Variants in FAM204A observed in about 807,000 individuals in gnomAD.
The protein encoded by FAM204A is protein FAM204A.
Under a neutral mutation model 35.4 loss-of-function variants are expected in FAM204A, and 16 were observed. The observed-to-expected ratio is 0.45, with a 90% CI of 0.31 to 0.69. The LOEUF (loss-of-function observed/expected upper bound fraction) is 0.69, where lower values mean the gene tolerates loss of function less well. FAM204A is among the 30% of genes least tolerant of loss of function. The pLI is 0.07. For synonymous variants in FAM204A, 76 were observed against 86.9 expected, an observed-to-expected ratio of 0.88 and a Z score of 0.70; for missense variants, 240 against 265.7, an observed-to-expected ratio of 0.90 and a Z score of 0.67.
intron 2 of FAM204A, among the ~76,000 whole-genome samples, chr10:118,339,144 T>C (rs1273849610): frequency 1.3e-5 from 2 of 152,212 alleles, no homozygotes; most frequent in African/African-American, 4.8e-5. Context: ...GCCATTTTCC[T>C]GTGACTCTCA....
chr10:118,307,668 G>C lies in FAM204A; in HGVS notation c.*3189C>G, dbSNP rs1845885462. 6.6e-6 allele frequency: 1 copy of C among 151,976 alleles called. No individual in the cohort carries two copies. The highest frequency in any genetic ancestry group is 2.4e-5 in the African/African-American group (1 of 41,390). The allele number at this position is 151,976 out of a possible 1,614,324, so 9.4% of individuals were successfully genotyped here. On this transcript the variant is annotated 3_prime_UTR_variant, in exon 9 of 9. Transcript: ENST00000369183. ...AAAAGTAATGTCTTAACAAAAATTT[G>C]GACATTTTATAAATTATATCTTCAT...
At position 118,307,907 on chromosome 10, in the gene FAM204A, G is replaced by C. The variant is rs1321633836; in HGVS notation, c.*2950C>G. On this transcript the variant is annotated 3_prime_UTR_variant, in exon 9 of 9. Transcript: ENST00000369183. ...TAAGTGTTTAAAATATGCAGTTTGAGATTTATGATCAGTTGCAGAAACCTG... is the reference window on the plus strand; with the variant it reads ...TAAGTGTTTAAAATATGCAGTTTGACATTTATGATCAGTTGCAGAAACCTG... The C allele has an allele frequency of 6.6e-6, 1 of 152,204 alleles. No homozygotes were observed. Among genetic ancestry groups the C allele is most frequent in the Non-Finnish European group, 1.5e-5 (1 of 68,026 alleles). 9.4% of individuals were successfully genotyped at this position (152,204 alleles called of 1,614,324 possible).
chr10:118,335,854 A>T (rs1422645879), intron 3 of FAM204A, among the ~76,000 whole-genome samples: 1 of 152,200 alleles, frequency 6.6e-6, no homozygotes, highest in Admixed American at 6.5e-5. Context: ...TGATAATTTG[A>T]GAGTGAAGCT....
chr10:118,329,823 T>C (rs1589727417), intron 6 of FAM204A, among the ~76,000 whole-genome samples: 1 of 152,194 alleles, frequency 6.6e-6, no homozygotes, highest in South Asian at 2.1e-4. Flanking sequence ...TCATCCATGT[T>C]TGCATTCATA....
chr10:118,335,014 C>G, intron 6 of FAM204A, 100 bp downstream of exon 6: 1 of 835,876 alleles, frequency 1.2e-6, no homozygotes, highest in Non-Finnish European at 1.9e-6. Context: ...CAGTAGGCAT[C>G]TTTTTAACTG....
rs1172890986 is a variant in FAM204A at position 118,300,736 on chromosome 10, G to GT, written c.*10120dup. The GT allele has an allele frequency of 6.6e-6, 1 of 152,220 alleles. No individual in the cohort carries two copies. The highest frequency in any genetic ancestry group is 2.4e-5 in the African/African-American group (1 of 41,440). 9.4% of individuals were successfully genotyped at this position (152,220 alleles called of 1,614,324 possible). A position where few individuals can be genotyped will look rare whatever the true frequency, so the allele number is the denominator to read the frequency against. ...GAATCCAGGGACATACTGAGTTGGG[G>GT]TTTGGTGGTTCCAAGGAAAGCAGCT... On this transcript the variant is annotated 3_prime_UTR_variant, in exon 9 of 9. Transcript: ENST00000369183.
chr10:118,317,627 G>A (rs1302807997), intron 7 of FAM204A, among the ~76,000 whole-genome samples: 1 of 151,886 alleles, frequency 6.6e-6, no homozygotes, highest in East Asian at 1.9e-4. Flanking sequence ...GCAGTGTCAC[G>A]GCTGTGCACA....
At chr10:118,337,960 C>T (rs1002070834) in intron 2 of FAM204A, among the ~76,000 whole-genome samples, 2 of 152,160 alleles carry the variant, frequency 1.3e-5, no homozygotes, top group Non-Finnish European at 2.9e-5. Flanking sequence ...GCAACTGATG[C>T]AATCATTTGC....
At chr10:118,312,153 T>C (rs909411797) in intron 7 of FAM204A, among the ~76,000 whole-genome samples, 1 of 152,226 alleles carries the variant, frequency 6.6e-6, no homozygotes, top group Non-Finnish European at 1.5e-5. Flanking sequence ...CTTCTACTTT[T>C]AGTGTGCTCT....
chr10:118,331,854 T>TAC (rs1846294319), intron 6 of FAM204A, among the ~76,000 whole-genome samples: 1 of 148,240 alleles, frequency 6.7e-6, no homozygotes, highest in Non-Finnish European at 1.5e-5. Flanking sequence ...TATATATATA[T>TAC]ATATATATAT....
Position 118,301,721 on chromosome 10 carries a change from T to C in FAM204A, c.*9136A>G, listed in dbSNP as rs1845809596. 6.6e-6 allele frequency: 1 copy of C among 152,216 alleles called. No homozygotes were observed. The highest frequency in any genetic ancestry group is 1.5e-5 in the Non-Finnish European group (1 of 68,036). 9.4% of individuals were successfully genotyped at this position (152,216 alleles called of 1,614,324 possible). On this transcript the variant is annotated 3_prime_UTR_variant, in exon 9 of 9. Coordinates refer to ENST00000369183, the MANE Select transcript of FAM204A (RefSeq NM_022063.3). The stretch of plus-strand genomic sequence containing the variant: ...AGAATCTATTCTCAGCACTTTCATA[T>C]TCATTAGTTCCTTTAATCCTCACAT...
At position 118,307,823 on chromosome 10, in the gene FAM204A, A is replaced by G. The variant is rs983353774; in HGVS notation, c.*3034T>C. On this transcript the variant is annotated 3_prime_UTR_variant, in exon 9 of 9. Transcript: ENST00000369183. ...GTTCTAAGTTGTGACTTAAAAGTTC[A>G]GATAACATTTTATTCCTATCCTTAG... 2.0e-5 allele frequency: 3 copies of G among 152,248 alleles called. No individual in the cohort carries two copies. Among genetic ancestry groups the G allele is most frequent in the Non-Finnish European group, 4.4e-5 (3 of 68,040 alleles). 9.4% of individuals were successfully genotyped at this position (152,248 alleles called of 1,614,324 possible).
rs79073845 is a variant in FAM204A, at chr10:118,312,601, T to C, written c.544-1288A>G. On this transcript the variant is annotated intron_variant, in intron 7 of 8. Coordinates refer to ENST00000369183, the MANE Select transcript of FAM204A (RefSeq NM_022063.3). ...ATTTTTCAGTACAGTTAAGAACATA[T>C]ATATAAAGAACGTAGACAAATGGAA... Among the ~76,000 whole-genome samples, 599 of 152,226 alleles carry C rather than the reference T, an allele frequency of 3.9e-3. 3 individuals are homozygous for C. Among genetic ancestry groups the C allele is most frequent in the Middle Eastern group, 0.01 (3 of 294 alleles).
Position 118,299,058 on chromosome 10 carries a change from A to T in FAM204A, c.*11799T>A, listed in dbSNP as rs972854627. 6.6e-6 allele frequency: 1 copy of T among 152,120 alleles called. No homozygotes were observed. Among genetic ancestry groups the T allele is most frequent in the African/African-American group, 2.4e-5 (1 of 41,418 alleles). 9.4% of individuals were successfully genotyped at this position (152,120 alleles called of 1,614,324 possible). On this transcript the variant is annotated 3_prime_UTR_variant, in exon 9 of 9. Coordinates refer to ENST00000369183, the MANE Select transcript of FAM204A (RefSeq NM_022063.3). ...TGGCCCCCTGGACAGTGTACGTGTG[A>T]GTGACGGTTCCCTCTGGGCCCACAT...
At chr10:118,321,276 T>C (rs1227527902) in intron 7 of FAM204A, among the ~76,000 whole-genome samples, 1 of 152,108 alleles carries the variant, frequency 6.6e-6, no homozygotes, top group Non-Finnish European at 1.5e-5. Context: ...TCCATGGTTA[T>C]TGGTACCAAG....
At position 118,301,770 on chromosome 10, in the gene FAM204A, T is replaced by C. The variant is rs1845809900; in HGVS notation, c.*9087A>G. ...ATCTCTATAAGATAGCTACTATTAT[T>C]ATCTCCATTTCTCAGGAGAACCCAA... On this transcript the variant is annotated 3_prime_UTR_variant, in exon 9 of 9. Coordinates refer to ENST00000369183, the MANE Select transcript of FAM204A (RefSeq NM_022063.3). The C allele has an allele frequency of 6.6e-6, 1 of 152,190 alleles. No homozygotes were observed. Among genetic ancestry groups the C allele is most frequent in the Non-Finnish European group, 1.5e-5 (1 of 68,022 alleles). The allele number at this position is 152,190 out of a possible 1,614,324, so 9.4% of individuals were successfully genotyped here.
chr10:118,336,192 T>A lies in FAM204A; in HGVS notation c.224A>T (p.Asp75Val). Residue 75 changes from aspartate (D) to valine (V), a missense_variant, in exon 3 of 9, where the codon GAT becomes GTT. By Grantham distance (152) the Asp-to-Val change is radical (BLOSUM62 -3). Coordinates refer to ENST00000369183, the MANE Select transcript of FAM204A (RefSeq NM_022063.3). ...YEECPSGIPI[D>V]MWNKFQELHK... The stretch of plus-strand genomic sequence containing the variant: ...TCAGAGAAAACCTACATTCCACATA[T>A]CTATGGGAATTCCAGAAGGACACTC... 6.2e-7 allele frequency: 1 copy of A among 1,613,442 alleles called. No individual in the cohort carries two copies. Among genetic ancestry groups the A allele is most frequent in the Non-Finnish European group, 8.5e-7 (1 of 1,179,588 alleles).
chr10:118,328,444 C>T (rs7068889), intron 6 of FAM204A, among the ~76,000 whole-genome samples: 64,022 of 151,238 alleles, frequency 0.42, 14,853 homozygotes, highest in Middle Eastern at 0.59. Context: ...TCTAGGCTGG[C>T]GGCCCAGCAA....
At position 118,310,908 on chromosome 10, in the gene FAM204A, C is replaced by T; in HGVS notation, c.651G>A (p.Gly217=). The change falls in exon 9 of 9, where the codon GGG becomes GGA. Residue 217 remains glycine, a splice_region_variant and synonymous_variant. Coordinates refer to ENST00000369183, the MANE Select transcript of FAM204A (RefSeq NM_022063.3). ...AARKKKKLAW[G]FEAKKRWETK... ...TTTCCCATCTCTTCTTTGCTTCAAACCTAAAAGGAAGAACATACAAATCTC... is the reference window on the plus strand; with the variant it reads ...TTTCCCATCTCTTCTTTGCTTCAAATCTAAAAGGAAGAACATACAAATCTC... 1 of 1,592,430 alleles carries T rather than the reference C, an allele frequency of 6.3e-7. No homozygotes were observed. The highest frequency in any genetic ancestry group is 8.5e-7 in the Non-Finnish European group (1 of 1,171,342).
Sources: gnomAD v4.1 joint callset for allele counts (sites outside exome capture counted in the v4.1 genomes callset) on GRCh38, gnomAD v4.1.1 for gene constraint, MANE v1.5 for transcripts, NCBI Gene and HGNC (gene_info 2026-07-23, HGNC 2026-07-21) for gene names.